Variants in FBXW11 observed in about 807,000 individuals in gnomAD.
FBXW11 encodes the protein F-box/WD repeat-containing protein 11.
In FBXW11, 19 loss-of-function variants were observed where a neutral mutation model predicts 77.6. The observed-to-expected ratio is 0.24, with a 90% confidence interval of 0.17 to 0.36. The LOEUF is 0.36. Ranked by LOEUF, FBXW11 falls within the 10% of genes least tolerant of loss-of-function variation. FBXW11 has a pLI of 1.00. For missense variants in FBXW11, 334 were observed against 704.2 expected (o/e 0.47, Z 5.95); for synonymous variants, 235 against 249.4 (o/e 0.94, Z 0.54).
chr5:171,996,916 C>G lies in FBXW11; in HGVS notation c.45+9542G>C, dbSNP rs1342729183. ...TGGAAAATATTTTGTACTTCAGATC[C>G]ACCAATCCAGAATGAATGGGGGTTT... On this transcript the variant is annotated intron_variant, in intron 1 of 13. Transcript: ENST00000517395. The G allele has an allele frequency of 3.9e-6, 5 of 1,289,226 alleles. No individual in the cohort carries two copies. In the East Asian group the frequency reaches 2.8e-4, roughly 72 times the overall value. 79.9% of individuals were successfully genotyped at this position (1,289,226 alleles called of 1,614,324 possible). A position where few individuals can be genotyped will look rare whatever the true frequency, so the allele number is the denominator to read the frequency against.
intron 1 of FBXW11, among the ~76,000 whole-genome samples, chr5:171,975,588 T>C (rs1443302133): frequency 6.6e-6 from 1 of 152,230 alleles, no homozygotes; most frequent in African/African-American, 2.4e-5. Flanking sequence ...ATCTATCACT[T>C]TGCTATCTAC....
intron 3 of FBXW11, among the ~76,000 whole-genome samples, chr5:171,913,818 T>TAA (rs1292184794): frequency 2.3e-3 from 153 of 65,384 alleles, no homozygotes; most frequent in African/African-American, 7.2e-3. Flanking sequence ...CACACACACA[T>TAA]ACACACACAC....
rs145146338 is a variant in FBXW11 at position 171,928,024 on chromosome 5, A to C, written c.148-13619T>G. On this transcript the variant is annotated intron_variant, in intron 2 of 13. Transcript: ENST00000517395. ...CACTTCCATCTTCTTGATATACTTC[A>C]TTCACTTGGCTTCCAGGACTCTGAT... Among the ~76,000 whole-genome samples, 120 of 152,296 alleles carry C rather than the reference A, an allele frequency of 7.9e-4. 2 individuals are homozygous for C. The highest frequency in any genetic ancestry group is 2.7e-3 in the African/African-American group (114 of 41,566).
At chr5:172,006,387 A>T in intron 1 of FBXW11, 71 bp downstream of exon 1, 2 of 1,364,122 alleles carry the variant, frequency 1.5e-6, no homozygotes, top group African/African-American at 1.5e-5. Flanking sequence ...CTCGCACCGG[A>T]CGTTGAGGTG....
intron 6 of FBXW11, among the ~76,000 whole-genome samples, chr5:171,895,066 A>G (rs1759651783): frequency 6.6e-6 from 1 of 152,220 alleles, no homozygotes; most frequent in South Asian, 2.1e-4. Flanking sequence ...GAAGAGGCTC[A>G]GCCTTCAAAT....
At chr5:171,963,215 A>G (rs1764001395) in intron 1 of FBXW11, among the ~76,000 whole-genome samples, 1 of 152,256 alleles carries the variant, frequency 6.6e-6, no homozygotes, top group South Asian at 2.1e-4. Context: ...ACATATATAT[A>G]TACATACACA....
chr5:171,881,346 C>T (rs1315694500), intron 7 of FBXW11, among the ~76,000 whole-genome samples: 1 of 152,130 alleles, frequency 6.6e-6, no homozygotes, highest in African/African-American at 2.4e-5. Context: ...TAGCTATAGG[C>T]TTTTTGTAGA....
At chr5:171,881,193 C>T (rs2113799432) in intron 7 of FBXW11, among the ~76,000 whole-genome samples, 1 of 152,160 alleles carries the variant, frequency 6.6e-6, no homozygotes, top group South Asian at 2.1e-4. Context: ...TTAATTCTTC[C>T]TTCTCAATTT....
chr5:171,984,601 T>C (rs966476798), intron 1 of FBXW11, among the ~76,000 whole-genome samples: 1 of 152,218 alleles, frequency 6.6e-6, no homozygotes, highest in African/African-American at 2.4e-5. Flanking sequence ...ATGATCATAA[T>C]ATGGTATAAT....
At chr5:171,901,720 T>C (rs1760126079) in intron 4 of FBXW11, among the ~76,000 whole-genome samples, 1 of 152,174 alleles carries the variant, frequency 6.6e-6, no homozygotes, top group African/African-American at 2.4e-5. Context: ...AAAACATCTA[T>C]TGAAACAATT....
chr5:172,000,128 C>T (rs897498603), intron 1 of FBXW11, among the ~76,000 whole-genome samples: 3 of 152,214 alleles, frequency 2.0e-5, no homozygotes, highest in African/African-American at 4.8e-5. Flanking sequence ...TTAACCAACA[C>T]GTTTCTTCCC....
chr5:172,006,254 G>GGGGGCCGGGCC (rs767896206), intron 1 of FBXW11, among the ~76,000 whole-genome samples: 113 of 152,346 alleles, frequency 7.4e-4, no homozygotes, highest in Non-Finnish European at 1.1e-3. Flanking sequence ...GGGGCATGGA[G>GGGGGCCGGGCC]GGGGCCGGGC....
rs73801498 is a variant in FBXW11 at position 171,891,926 on chromosome 5, C to G, written c.715-322G>C. On this transcript the variant is annotated intron_variant, in intron 6 of 13. Transcript: ENST00000517395. Reference sequence around the variant, plus strand: ...CCCAAAACATGCAAATAAATAGTAACTCATTGGGTCGCTCCCTAATGCCAA... The same window carrying G: ...CCCAAAACATGCAAATAAATAGTAAGTCATTGGGTCGCTCCCTAATGCCAA... Among the ~76,000 whole-genome samples, 580 of 152,190 alleles carry G rather than the reference C, an allele frequency of 3.8e-3. 1 individual carries two copies. The highest frequency in any genetic ancestry group is 0.013 in the African/African-American group (555 of 41,536).
intron 1 of FBXW11, among the ~76,000 whole-genome samples, chr5:171,983,468 AGCCCAGGCTT>A (rs1765262506): frequency 6.6e-6 from 1 of 152,094 alleles, no homozygotes; most frequent in African/African-American, 2.4e-5. Flanking sequence ...GAAGGACAAA[AGCCCAGGCTT>A]GCCACTGGTA....
chr5:171,930,050 A>C (rs1034859809), intron 2 of FBXW11, among the ~76,000 whole-genome samples: 3 of 152,196 alleles, frequency 2.0e-5, no homozygotes, highest in Admixed American at 6.5e-5. Flanking sequence ...ATGAAGATCA[A>C]GGGCAGTTCA....
In FBXW11 at chr5:171,885,983, C is replaced by T. The variant is rs1758850603; in HGVS notation, c.852+5484G>A. Among the ~76,000 whole-genome samples, 5 of 152,178 alleles carry T rather than the reference C, an allele frequency of 3.3e-5. No individual in the cohort carries two copies. The South Asian group carries it at 1.0e-3, about 32-fold the overall frequency. The stretch of plus-strand genomic sequence containing the variant: ...AATCTCTTCAAAGCGCACTTCTGCT[C>T]TACTATTCTATGTCTTATTAAGTCA... On this transcript the variant is annotated intron_variant, in intron 7 of 13. Transcript: ENST00000517395.
rs1273141483 is a variant in FBXW11 at position 171,869,155 on chromosome 5, G to A, written c.1531-359C>T. 1.3e-5 allele frequency among the ~76,000 whole-genome samples: 2 copies of A among 152,110 alleles called. No homozygotes were observed. Among genetic ancestry groups the A allele is most frequent in the African/African-American group, 4.8e-5 (2 of 41,380 alleles). ...AAGACAGTTTGTTTTAACATGACCAGGATCTACCTCAAATTGCTGCCAGCA... is the reference window on the plus strand; with the variant it reads ...AAGACAGTTTGTTTTAACATGACCAAGATCTACCTCAAATTGCTGCCAGCA... On this transcript the variant is annotated intron_variant, in intron 12 of 13. Coordinates refer to ENST00000517395, the MANE Select transcript of FBXW11 (RefSeq NM_001378974.1). This position sits in a 1 kb window ranked among gnomAD's most constrained non-coding sequence, Gnocchi z 4.1.
intron 1 of FBXW11, among the ~76,000 whole-genome samples, chr5:171,965,578 TA>T: frequency 6.6e-6 from 1 of 150,718 alleles, no homozygotes; most frequent in Admixed American, 6.6e-5. Flanking sequence ...GCATTAAAAC[TA>T]AAATGGATCT....
At position 171,864,952 on chromosome 5, in the gene FBXW11, A is replaced by C. The variant is rs183383741; in HGVS notation, c.*26-851T>G. Among the ~76,000 whole-genome samples the C allele has an allele frequency of 1.1e-4, 16 of 146,750 alleles. No individual in the cohort carries two copies. The East Asian group carries it at 1.8e-3, about 16-fold the overall frequency. ...ACCACTGGCCAGAAAGTCTAAAGTC[A>C]CCTTAGGTGGCAAAAAAAAAAAAAA... On this transcript the variant is annotated intron_variant, in intron 13 of 13. Transcript: ENST00000517395.
Sources: allele counts gnomAD v4.1 joint callset (sites outside exome capture counted in the v4.1 genomes callset), GRCh38; gene constraint gnomAD v4.1.1; non-coding constraint Gnocchi (gnomAD v3.1); transcripts MANE v1.5; gene names NCBI Gene and HGNC (gene_info 2026-07-23, HGNC 2026-07-21).